LRRTM4: variants seen among roughly 807,000 people sequenced by gnomAD.
The protein encoded by LRRTM4 is leucine rich repeat transmembrane neuronal 4.
Under a neutral mutation model 47.6 loss-of-function variants are expected in LRRTM4, and 25 were observed. The observed-to-expected ratio is 0.53, with a 90% confidence interval of 0.38 to 0.73. The LOEUF (loss-of-function observed/expected upper bound fraction) is 0.73. Ranked by LOEUF, LRRTM4 falls within the 30% of genes least tolerant of loss-of-function variation. The pLI, the probability that LRRTM4 is intolerant of heterozygous loss-of-function variation, is 0.00. For synonymous variants in LRRTM4, 311 were observed against 269.5 expected (o/e 1.15, Z -1.51); for missense variants, 638 against 713.4 (o/e 0.89, Z 1.20).
At chr2:77,275,711 T>C (rs1676327746) in intron 3 of LRRTM4, among the ~76,000 whole-genome samples, 1 of 152,092 alleles carries the variant, frequency 6.6e-6, no homozygotes, top group Admixed American at 6.6e-5. Flanking sequence ...ACTCAATCTA[T>C]GTAGCAGTAC....
intron 3 of LRRTM4, among the ~76,000 whole-genome samples, chr2:77,381,443 A>G (rs1432923729): frequency 1.3e-5 from 2 of 152,120 alleles, no homozygotes; most frequent in Non-Finnish European, 2.9e-5. Context: ...ACAGCAAGGG[A>G]GCAAATTGCT....
At chr2:77,030,365 G>A (rs976699048) in intron 3 of LRRTM4, among the ~76,000 whole-genome samples, 3 of 152,100 alleles carry the variant, frequency 2.0e-5, no homozygotes, top group Non-Finnish European at 2.9e-5. Context: ...ACTGGGAGGC[G>A]GAGGTTGCAA....
At chr2:77,380,189 T>C in intron 3 of LRRTM4, among the ~76,000 whole-genome samples, 1 of 152,194 alleles carries the variant, frequency 6.6e-6, no homozygotes, top group Non-Finnish European at 1.5e-5. Flanking sequence ...TTAAATATAC[T>C]ATTTGCATAT....
intron 3 of LRRTM4, among the ~76,000 whole-genome samples, chr2:77,103,036 T>G (rs866899397): frequency 6.6e-6 from 1 of 152,174 alleles, no homozygotes; most frequent in Non-Finnish European, 1.5e-5. Flanking sequence ...AGGGCAAATA[T>G]GACCCCATTT....
At chr2:77,357,299 T>C (rs1672003904) in intron 3 of LRRTM4, among the ~76,000 whole-genome samples, 1 of 152,184 alleles carries the variant, frequency 6.6e-6, no homozygotes, top group South Asian at 2.1e-4. Context: ...GTCATTATAC[T>C]GCTGCAAAAT....
chr2:77,388,562 C>A (rs912085768), intron 3 of LRRTM4, among the ~76,000 whole-genome samples: 24 of 151,470 alleles, frequency 1.6e-4, no homozygotes, highest in African/African-American at 5.8e-4. Context: ...AATTTTTTTT[C>A]CTTTAGGATA....
intron 3 of LRRTM4, among the ~76,000 whole-genome samples, chr2:77,375,581 A>G (rs1672806172): frequency 6.6e-6 from 1 of 151,820 alleles, no homozygotes; most frequent in Admixed American, 6.6e-5. Context: ...CACCTGAATA[A>G]CAACTTTTCA....
intron 3 of LRRTM4, among the ~76,000 whole-genome samples, chr2:77,104,778 G>T (rs1052826895): frequency 6.6e-6 from 1 of 152,116 alleles, no homozygotes. Flanking sequence ...AGAGGTGAGC[G>T]CCAGGGTACC....
At chr2:76,921,319 G>T (rs562822655) in intron 3 of LRRTM4, among the ~76,000 whole-genome samples, 3 of 152,084 alleles carry the variant, frequency 2.0e-5, no homozygotes, top group Admixed American at 1.3e-4. Context: ...AGGGAGACCA[G>T]AAGTTCCCTT....
intron 3 of LRRTM4, among the ~76,000 whole-genome samples, chr2:76,788,975 G>C (rs1318922182): frequency 6.6e-6 from 1 of 152,134 alleles, no homozygotes; most frequent in Admixed American, 6.5e-5. Flanking sequence ...AGAAAGCTGA[G>C]TCTTAGAGAC....
chr2:77,278,939 C>T (rs967317517), intron 3 of LRRTM4, among the ~76,000 whole-genome samples: 1 of 151,970 alleles, frequency 6.6e-6, no homozygotes, highest in African/African-American at 2.4e-5. Flanking sequence ...AGACTTTACA[C>T]ATCTAAAAAT....
intron 3 of LRRTM4, among the ~76,000 whole-genome samples, chr2:77,195,784 T>C (rs958122092): frequency 1.3e-5 from 2 of 152,288 alleles, no homozygotes; most frequent in East Asian, 3.9e-4. Flanking sequence ...ACATAATTAA[T>C]CATCCATATA....
intron 3 of LRRTM4, among the ~76,000 whole-genome samples, chr2:77,456,922 C>A (rs1401366642): frequency 6.9e-6 from 1 of 144,554 alleles, no homozygotes; most frequent in Non-Finnish European, 1.5e-5. Context: ...ATATATGAAT[C>A]TATAATAAAC....
At chr2:76,995,092 T>A in intron 3 of LRRTM4, among the ~76,000 whole-genome samples, 1 of 151,988 alleles carries the variant, frequency 6.6e-6, no homozygotes, top group East Asian at 1.9e-4. Flanking sequence ...GAAACTGAAC[T>A]TTTAAATTTT....
At chr2:77,327,636 A>G (rs1310755028) in intron 3 of LRRTM4, among the ~76,000 whole-genome samples, 1 of 152,166 alleles carries the variant, frequency 6.6e-6, no homozygotes, top group Non-Finnish European at 1.5e-5. Context: ...AGGATTTGAG[A>G]CTGATGTTAT....
intron 3 of LRRTM4, among the ~76,000 whole-genome samples, chr2:77,193,719 T>G (rs1673737590): frequency 6.6e-6 from 1 of 152,150 alleles, no homozygotes; most frequent in African/African-American, 2.4e-5. Flanking sequence ...GAGAATCGCT[T>G]GAAGCCAGGA....
chr2:77,363,102 A>G (rs1305388539), intron 3 of LRRTM4, among the ~76,000 whole-genome samples: 1 of 152,192 alleles, frequency 6.6e-6, no homozygotes, highest in Non-Finnish European at 1.5e-5. Context: ...TGAGGATTGG[A>G]AGCCAGGAAG....
At chr2:77,442,798 A>G (rs1016895637) in intron 3 of LRRTM4, among the ~76,000 whole-genome samples, 2 of 152,166 alleles carry the variant, frequency 1.3e-5, no homozygotes, top group African/African-American at 2.4e-5. Context: ...CTGTATTTTG[A>G]GATTATATTA....
rs1491583250 is a variant in LRRTM4, at chr2:77,362,174, G to GAAAGAAAGA, written c.1551+156143_1551+156144insTCTTTCTTT. Among the ~76,000 whole-genome samples the GAAAGAAAGA allele has an allele frequency of 4.8e-3, 380 of 78,876 alleles. 2 individuals carry two copies. The highest frequency in any genetic ancestry group is 0.019 in the Middle Eastern group (2 of 108). 51.7% of individuals were successfully genotyped at this position (78,876 alleles called of 152,430 possible). A position where few individuals can be genotyped will look rare whatever the true frequency, so the allele number is the denominator to read the frequency against. On this transcript the variant is annotated intron_variant, in intron 3 of 3. Coordinates refer to ENST00000409884, the MANE Select transcript of LRRTM4 (RefSeq NM_001134745.3). Reference sequence around the variant, plus strand: ...GAAAGAAAGAAAGAAAGAAAGAAAGGAAGGAAGGAAGAGTTCTTAATGTCC... The same window carrying GAAAGAAAGA: ...GAAAGAAAGAAAGAAAGAAAGAAAGGAAAGAAAGAAAGGAAGGAAGAGTTCTTAATGTCC...
Sources: gnomAD v4.1 joint callset for allele counts (sites outside exome capture counted in the v4.1 genomes callset) on GRCh38, gnomAD v4.1.1 for gene constraint, MANE v1.5 for transcripts, NCBI Gene and HGNC (gene_info 2026-07-23, HGNC 2026-07-21) for gene names.